The following AIG1 variants were observed in gnomAD, a reference collection of about 807,000 sequenced individuals.
AIG1 encodes the protein androgen induced 1.
In AIG1, 23 loss-of-function variants were observed where a neutral mutation model predicts 31.4. The observed-to-expected ratio is 0.73, with a 90% CI of 0.53 to 1.04. The LOEUF (loss-of-function observed/expected upper bound fraction) is 1.04. Among genes scored for constraint, AIG1 ranks in the 50% least tolerant of loss-of-function variants. AIG1 has a pLI of 0.00. For synonymous variants in AIG1, 100 were observed against 110.5 expected (o/e 0.90, Z 0.60); for missense variants, 274 against 295.0 (o/e 0.93, Z 0.52).
chr6:143,188,406 T>C (rs1789473597), intron 3 of AIG1: 1 of 985,348 alleles, frequency 1.0e-6, no homozygotes, highest in African/African-American at 1.7e-5. Flanking sequence ...TTGGCTGACA[T>C]TTCAGGCTCT....
intron 3 of AIG1, among the ~76,000 whole-genome samples, chr6:143,198,338 G>T (rs1487382509): frequency 6.6e-6 from 1 of 152,154 alleles, no homozygotes; most frequent in Non-Finnish European, 1.5e-5. Flanking sequence ...TGTTTTCCAT[G>T]GCGTATGCTC....
At chr6:143,251,920 C>A (rs1795036757) in intron 3 of AIG1, among the ~76,000 whole-genome samples, 1 of 152,214 alleles carries the variant, frequency 6.6e-6, no homozygotes, top group Non-Finnish European at 1.5e-5. Flanking sequence ...TGCTCCATTT[C>A]TTCATCTCCA....
chr6:143,193,784 T>C (rs1222816106), intron 3 of AIG1, among the ~76,000 whole-genome samples: 1 of 152,180 alleles, frequency 6.6e-6, no homozygotes, highest in Non-Finnish European at 1.5e-5. Context: ...TCCTCCCTCT[T>C]GCTGTGCTAA....
chr6:143,179,281 A>G (rs1788499057), intron 3 of AIG1, among the ~76,000 whole-genome samples: 1 of 152,238 alleles, frequency 6.6e-6, no homozygotes, highest in Non-Finnish European at 1.5e-5. Flanking sequence ...CATTTACAGT[A>G]TACAGTCATT....
chr6:143,280,932 A>T lies in AIG1; in HGVS notation c.400-3178A>T, dbSNP rs774186284. On this transcript the variant is annotated intron_variant, in intron 3 of 5. Coordinates refer to ENST00000357847, the MANE Select transcript of AIG1 (RefSeq NM_016108.4). The surrounding 1 kb of genome is among the most constrained non-coding windows in gnomAD (Gnocchi z 4.1). The stretch of plus-strand genomic sequence containing the variant: ...CTAATGTTATTGTTTATTATTATTG[A>T]TTGGATAATATATCACAGGAAAGAC... Among the ~76,000 whole-genome samples, 3 of 152,196 alleles carry T rather than the reference A, an allele frequency of 2.0e-5. No homozygotes were observed. Among genetic ancestry groups the T allele is most frequent in the African/African-American group, 4.8e-5 (2 of 41,436 alleles).
chr6:143,110,619 CA>C (rs1398796789), intron 1 of AIG1, among the ~76,000 whole-genome samples: 1 of 152,094 alleles, frequency 6.6e-6, no homozygotes, highest in Non-Finnish European at 1.5e-5. Flanking sequence ...CACCCTTAAA[CA>C]AAACATTATA....
intron 1 of AIG1, among the ~76,000 whole-genome samples, chr6:143,079,934 G>A (rs962339566): frequency 4.6e-5 from 7 of 152,092 alleles, no homozygotes; most frequent in Non-Finnish European, 8.8e-5. Flanking sequence ...GCTCTCTGGC[G>A]ATATATGATT....
intron 1 of AIG1, among the ~76,000 whole-genome samples, chr6:143,118,410 G>C (rs1781922926): frequency 6.6e-6 from 1 of 150,392 alleles, no homozygotes; most frequent in South Asian, 2.1e-4. Context: ...AGTGAGCTGA[G>C]ATCGTGCCAC....
chr6:143,181,604 G>A (rs1788725098), intron 3 of AIG1, among the ~76,000 whole-genome samples: 1 of 152,090 alleles, frequency 6.6e-6, no homozygotes, highest in African/African-American at 2.4e-5. Flanking sequence ...TTTGGCTATT[G>A]CCAATGATAT....
chr6:143,220,488 A>G (rs928907577), intron 3 of AIG1, among the ~76,000 whole-genome samples: 27 of 152,174 alleles, frequency 1.8e-4, no homozygotes, highest in Non-Finnish European at 3.8e-4. Flanking sequence ...AATCTCTATC[A>G]TACAGATGCA....
chr6:143,120,039 C>T (rs1782108515), intron 1 of AIG1, among the ~76,000 whole-genome samples: 1 of 152,300 alleles, frequency 6.6e-6, no homozygotes, highest in Admixed American at 6.5e-5. Context: ...AAGCAATTCT[C>T]CTGCCTCAGC....
rs116937383 is a variant in AIG1, at chr6:143,095,061, G to A, written c.141+33995G>A. ...CAAAAACAAAAAAGGAAATGCAATA[G>A]CAAAATTAACATCCACAATGGGGGC... On this transcript the variant is annotated intron_variant, in intron 1 of 5. Transcript: ENST00000357847. Among the ~76,000 whole-genome samples the A allele has an allele frequency of 2.6e-3, 399 of 152,186 alleles. 1 individual carries two copies. The highest frequency in any genetic ancestry group is 4.3e-3 in the Non-Finnish European group (295 of 67,994).
intron 3 of AIG1, chr6:143,187,414 G>A: frequency 1.3e-6 from 2 of 1,535,240 alleles, no homozygotes; most frequent in Non-Finnish European, 1.7e-6. Context: ...CCACCACTTT[G>A]GGCTTTTACA....
At chr6:143,154,573 T>A (rs1785542885) in intron 2 of AIG1, among the ~76,000 whole-genome samples, 1 of 152,178 alleles carries the variant, frequency 6.6e-6, no homozygotes, top group Admixed American at 6.5e-5. Context: ...ACAGAATACT[T>A]CTGTATCTCG....
intron 1 of AIG1, among the ~76,000 whole-genome samples, chr6:143,118,868 CTTTT>C (rs1272273294): frequency 7.4e-6 from 1 of 135,144 alleles, no homozygotes. Flanking sequence ...AAAGAATTTT[CTTTT>C]TTTTTTTTTT....
At chr6:143,320,771 C>T (rs545354752) in intron 4 of AIG1, among the ~76,000 whole-genome samples, 71 of 151,758 alleles carry the variant, frequency 4.7e-4, no homozygotes, top group African/African-American at 1.6e-3. Context: ...GCATAAAAGC[C>T]GTAATTAACA....
At chr6:143,097,389 C>A (rs1156259665) in intron 1 of AIG1, among the ~76,000 whole-genome samples, 1 of 151,964 alleles carries the variant, frequency 6.6e-6, no homozygotes, top group East Asian at 1.9e-4. Flanking sequence ...CCCAGCATAC[C>A]CTCATCATAT....
intron 3 of AIG1, among the ~76,000 whole-genome samples, chr6:143,282,442 C>T (rs535217089): frequency 1.2e-4 from 19 of 152,182 alleles, no homozygotes; most frequent in African/African-American, 4.3e-4. Context: ...CATTCCAGGC[C>T]GATGTCATCT....
intron 3 of AIG1, among the ~76,000 whole-genome samples, chr6:143,223,015 A>G (rs896627595): frequency 6.6e-6 from 1 of 152,348 alleles, no homozygotes; most frequent in Middle Eastern, 3.4e-3. Flanking sequence ...ACAATGAGGC[A>G]AAAAGCTGGA....
Sources: gnomAD v4.1 joint callset for allele counts (sites outside exome capture counted in the v4.1 genomes callset) on GRCh38, gnomAD v4.1.1 for gene constraint, Gnocchi (gnomAD v3.1) non-coding constraint, MANE v1.5 for transcripts, NCBI Gene and HGNC (gene_info 2026-07-23, HGNC 2026-07-21) for gene names.